F8: variants seen among roughly 807,000 people sequenced by gnomAD.
F8 encodes the protein antihemophilic factor.
F8 carries 12 observed loss-of-function variants against 140.6 expected under a neutral mutation model. The ratio of observed to expected loss-of-function variants is 0.09; its 90% CI spans 0.05 to 0.14. F8 has a LOEUF of 0.14. Ranked by LOEUF, F8 falls within the 10% of genes least tolerant of loss-of-function variation. The probability of loss-of-function intolerance (pLI) is 1.00; values close to 1 mark genes in which losing one functional copy is unlikely to be tolerated. For missense variants in F8, 1,354 were observed against 1,720.7 expected (o/e 0.79, Z 3.77); for synonymous variants, 585 against 614.6 (o/e 0.95, Z 0.71).
intron 13 of F8, among the ~76,000 whole-genome samples, chrX:154,945,504 A>C (rs1293723012): frequency 8.9e-6 from 1 of 112,248 alleles, no homozygotes; most frequent in Non-Finnish European, 1.9e-5. Context: ...GACAAAAACA[A>C]ATGATCATTT....
At chrX:154,980,721 G>A (rs2073513785) in intron 6 of F8, among the ~76,000 whole-genome samples, 1 of 111,702 alleles carries the variant, frequency 9.0e-6, no homozygotes, top group Non-Finnish European at 1.9e-5. Flanking sequence ...ACTTTAGGAG[G>A]CTGAGGCTGG....
intron 25 of F8, among the ~76,000 whole-genome samples, chrX:154,846,094 T>C (rs1275816022): frequency 8.9e-6 from 1 of 112,359 alleles, no homozygotes. Context: ...TCCATGTAGT[T>C]GAGCGGTTTT....
At chrX:154,870,291 T>A (rs2072762903) in intron 22 of F8, among the ~76,000 whole-genome samples, 1 of 111,717 alleles carries the variant, frequency 9.0e-6, no homozygotes, top group African/African-American at 3.3e-5. Flanking sequence ...GATACAAAAA[T>A]CCTCAATAAA....
At chrX:154,847,430 A>G (rs1470781009) in intron 25 of F8, among the ~76,000 whole-genome samples, 3 of 111,132 alleles carry the variant, frequency 2.7e-5, no homozygotes, top group Admixed American at 1.9e-4. Context: ...CTAATCAGAC[A>G]TAGATTTGGT....
chrX:154,930,005 G>A lies in F8; in HGVS notation c.3785C>T (p.Ala1262Val), dbSNP rs1448226658. The change falls in exon 14 of 26, where the codon GCA becomes GTA. Residue 1262 changes from alanine (A) to valine (V), a missense_variant. By Grantham distance (64) the Ala-to-Val change is moderately conservative. Around this residue, in one of 4 missense-constraint regions of F8, gnomAD observed 658 missense variants for 666.5 expected, o/e 0.99. Coordinates refer to ENST00000360256, the MANE Select transcript of F8 (RefSeq NM_000132.4). ...RQNVEGSYDG[A>V]YAPVLQDFRS... ...AAAATCTTGAAGTACTGGAGCATAT[G>A]CCCCGTCATATGAACCTTCTACATT... 4 of 1,208,312 alleles carry A rather than the reference G, an allele frequency of 3.3e-6. No homozygotes were observed. The African/African-American group carries it at 7.0e-5, about 21-fold the overall frequency.
At chrX:154,937,262 A>G (rs183972749) in intron 13 of F8, among the ~76,000 whole-genome samples, 7 of 111,741 alleles carry the variant, frequency 6.3e-5, no homozygotes, top group Non-Finnish European at 1.1e-4. Context: ...AAAATTCAAC[A>G]TAGAAAATAA....
chrX:154,970,554 T>C (rs1365356726), intron 6 of F8, among the ~76,000 whole-genome samples: 1 of 111,939 alleles, frequency 8.9e-6, no homozygotes, highest in Non-Finnish European at 1.9e-5. Context: ...ACTGGTGTAC[T>C]ATTTCTGCAT....
chrX:154,901,876 A>G (rs1352180471), intron 19 of F8, among the ~76,000 whole-genome samples, 175 bp downstream of exon 19: 3 of 111,758 alleles, frequency 2.7e-5, no homozygotes, highest in African/African-American at 6.5e-5. Flanking sequence ...AGCTTCAAGT[A>G]TATCTGCCCT....
intron 18 of F8, among the ~76,000 whole-genome samples, chrX:154,903,201 G>A (rs186853102): frequency 1.5e-4 from 16 of 110,059 alleles, no homozygotes; most frequent in Non-Finnish European, 3.8e-5. Flanking sequence ...TTAGAGACAG[G>A]GTCTTGCTCT....
chrX:154,909,273 T>A (rs1232016928), intron 14 of F8: 1 of 143,489 alleles, frequency 7.0e-6, no homozygotes, highest in Non-Finnish European at 1.4e-5. Context: ...CTACCAATTT[T>A]GTAGACTTCC....
At chrX:154,984,027 C>T (rs2073543923) in intron 6 of F8, among the ~76,000 whole-genome samples, 1 of 111,644 alleles carries the variant, frequency 9.0e-6, no homozygotes, top group Non-Finnish European at 1.9e-5. Context: ...GGAGATTTTC[C>T]ATACACTTGG....
At chrX:154,980,846 C>T (rs1394150970) in intron 6 of F8, among the ~76,000 whole-genome samples, 3 of 111,923 alleles carry the variant, frequency 2.7e-5, no homozygotes, top group Non-Finnish European at 5.6e-5. Context: ...TGGCACACAC[C>T]TGTAGTCCCA....
At chrX:155,009,649 C>T (rs1327281728) in intron 1 of F8, among the ~76,000 whole-genome samples, 2 of 110,427 alleles carry the variant, frequency 1.8e-5, no homozygotes, top group East Asian at 2.8e-4. Context: ...GCAGGAGAAT[C>T]GCTTGAACAC....
intron 25 of F8, among the ~76,000 whole-genome samples, chrX:154,846,914 G>A (rs2072571482): frequency 8.9e-6 from 1 of 112,023 alleles, no homozygotes; most frequent in Admixed American, 9.5e-5. Flanking sequence ...TTTTGCAGTG[G>A]CTGGTACCGG....
chrX:154,864,803 T>A (rs1460347642), intron 22 of F8, among the ~76,000 whole-genome samples: 1 of 110,030 alleles, frequency 9.1e-6, no homozygotes, highest in Non-Finnish European at 1.9e-5. Flanking sequence ...GTTAGCGGAA[T>A]AAAAAGAACA....
At chrX:154,941,000 G>A (rs1369285093) in intron 13 of F8, among the ~76,000 whole-genome samples, 1 of 111,793 alleles carries the variant, frequency 8.9e-6, no homozygotes, top group Admixed American at 9.5e-5. Flanking sequence ...TGACCTAAGA[G>A]AGCTTCTGAA....
intron 18 of F8, among the ~76,000 whole-genome samples, chrX:154,902,549 C>T (rs1557276035): frequency 9.0e-6 from 1 of 111,640 alleles, no homozygotes; most frequent in East Asian, 2.8e-4. Context: ...ATCCAGTCCA[C>T]TAGAGCTGCC....
intron 20 of F8, among the ~76,000 whole-genome samples, chrX:154,900,936 A>G (rs2073006600): frequency 8.9e-6 from 1 of 112,780 alleles, no homozygotes; most frequent in African/African-American, 3.2e-5. Context: ...TTTGACAATT[A>G]TTTAAAAATG....
At chrX:154,931,778 G>A (rs1221877966) in intron 13 of F8, 102 bp from the exon 14 acceptor site, 6 of 700,477 alleles carry the variant, frequency 8.6e-6, no homozygotes, top group Non-Finnish European at 1.3e-5. Flanking sequence ...AAAAATACTA[G>A]TCAGTATCAT....
Sources: gnomAD v4.1 joint callset for allele counts (sites outside exome capture counted in the v4.1 genomes callset) on GRCh38, gnomAD v4.1.1 for gene constraint, gnomAD v4.1.1 regional missense constraint, MANE v1.5 for transcripts, NCBI Gene and HGNC (gene_info 2026-07-23, HGNC 2026-07-21) for gene names.